Variants in BUD23 observed in about 807,000 individuals in gnomAD.
BUD23 encodes BUD23 rRNA methyltransferase and ribosome maturation factor.
Under a neutral mutation model 47.0 loss-of-function variants are expected in BUD23, and 34 were observed. The ratio of observed to expected loss-of-function variants is 0.72; its 90% CI spans 0.55 to 0.96. The LOEUF (loss-of-function observed/expected upper bound fraction) is 0.96. Ranked by LOEUF, BUD23 falls within the 40% of genes least tolerant of loss-of-function variation. BUD23 has a pLI of 0.00. For missense variants in BUD23, 343 were observed against 361.2 expected (o/e 0.95, Z 0.41); for synonymous variants, 124 against 132.0 (o/e 0.94, Z 0.41).
At chr7:73,691,230 C>CCAA (rs1798184740) in intron 6 of BUD23, among the ~76,000 whole-genome samples, 1 of 152,172 alleles carries the variant, frequency 6.6e-6, no homozygotes, top group Non-Finnish European at 1.5e-5. Context: ...ACCCAGAAGT[C>CCAA]ACTGATACCA....
intron 5 of BUD23, among the ~76,000 whole-genome samples, chr7:73,690,642 T>G (rs576205387): frequency 6.6e-6 from 1 of 152,292 alleles, no homozygotes; most frequent in Non-Finnish European, 1.5e-5. Context: ...TTTTTAAATT[T>G]AAAAATACTT....
intron 6 of BUD23, among the ~76,000 whole-genome samples, chr7:73,691,673 C>A (rs782751186): frequency 6.6e-6 from 1 of 152,094 alleles, no homozygotes; most frequent in Non-Finnish European, 1.5e-5. Context: ...GATCGTAGCT[C>A]ACTGCGCCCT....
At chr7:73,683,739 T>C in intron 1 of BUD23, 28 bp from the exon 2 acceptor site, 3 of 1,614,174 alleles carry the variant, frequency 1.9e-6, no homozygotes, top group Non-Finnish European at 1.7e-6. Context: ...GAATTATTCC[T>C]CTACATGCCA....
chr7:73,685,256 G>C (rs1797918035), intron 2 of BUD23, among the ~76,000 whole-genome samples: 1 of 152,194 alleles, frequency 6.6e-6, no homozygotes, highest in Non-Finnish European at 1.5e-5. Flanking sequence ...CTCCAGCCTT[G>C]GCGACAGAGT....
chr7:73,696,262 G>A (rs1293040033), intron 10 of BUD23: 2 of 152,194 alleles, frequency 1.3e-5, no homozygotes, highest in African/African-American at 4.8e-5. Context: ...ATTTCCCTTA[G>A]TTTCCCTAGT....
chr7:73,686,621 T>C lies in BUD23; in HGVS notation c.87-15T>C, dbSNP rs1554613013. 2.5e-6 allele frequency: 4 copies of C among 1,613,618 alleles called. No homozygotes were observed. The South Asian group carries it at 4.4e-5, about 18-fold the overall frequency. On this transcript the variant is annotated splice_polypyrimidine_tract_variant and intron_variant, in intron 2 of 11. Transcript: ENST00000265758. ...AACTCCTTTACCATGTCCACTTGTG[T>C]TTCTGCCTTACCAGCTCACGGATGA...
intron 5 of BUD23, among the ~76,000 whole-genome samples, chr7:73,689,888 C>T (rs1484995207): frequency 4.6e-5 from 7 of 151,572 alleles, no homozygotes; most frequent in South Asian, 2.1e-4. Context: ...AGCATTGGTG[C>T]GGGGAAGTGA....
intron 2 of BUD23, 125 bp from the exon 3 acceptor site, chr7:73,686,511 G>A (rs541292064): frequency 1.9e-5 from 16 of 838,658 alleles, no homozygotes; most frequent in East Asian, 7.3e-5. Flanking sequence ...AGAGTACCTC[G>A]GGATGATTGA....
Position 73,693,275 on chromosome 7 carries a change from G to A in BUD23, c.511-54G>A, listed in dbSNP as rs1798260658. 2.0e-6 allele frequency: 3 copies of A among 1,500,252 alleles called. No individual in the cohort carries two copies. The South Asian group carries it at 3.5e-5, about 18-fold the overall frequency. The allele number at this position is 1,500,252 out of a possible 1,614,324, so 92.9% of individuals were successfully genotyped here. On this transcript the variant is annotated intron_variant, in intron 7 of 11. Coordinates refer to ENST00000265758, the MANE Select transcript of BUD23 (RefSeq NM_017528.5). ...TTCTGAAGGAGGGGAGGGAGGTGAA[G>A]CTGTCTGCTCCTCTCAACCTCCGCT...
At position 73,688,598 on chromosome 7, in the gene BUD23, TTC is replaced by T. The variant is rs782761286; in HGVS notation, c.362+1507_362+1508del. On this transcript the variant is annotated intron_variant, in intron 5 of 11. Transcript: ENST00000265758. Reference sequence around the variant, plus strand: ...AATCTCTTAAGTGCTTCACAGTCCTTTCTCTGTAATCAGAGTCGGGTTAAACA... The same window carrying T: ...AATCTCTTAAGTGCTTCACAGTCCTTTCTGTAATCAGAGTCGGGTTAAACA... Among the ~76,000 whole-genome samples, 829 of 152,376 alleles carry T rather than the reference TTC, an allele frequency of 5.4e-3. 6 individuals are homozygous for T. The highest frequency in any genetic ancestry group is 0.019 in the African/African-American group (802 of 41,592).
chr7:73,689,944 C>T (rs1381165055), intron 5 of BUD23, among the ~76,000 whole-genome samples: 1 of 151,952 alleles, frequency 6.6e-6, no homozygotes, highest in Non-Finnish European at 1.5e-5. Flanking sequence ...GGAGGTAGGG[C>T]TCTGTGTGTG....
At position 73,698,037 on chromosome 7, in the gene BUD23, T is replaced by A. The variant is rs1272024207; in HGVS notation, c.*151T>A. 10 of 835,838 alleles carry A rather than the reference T, an allele frequency of 1.2e-5. No individual in the cohort carries two copies. The East Asian group carries it at 2.6e-4, about 22-fold the overall frequency. The allele number at this position is 835,838 out of a possible 1,614,324, so 51.8% of individuals were successfully genotyped here. A position where few individuals can be genotyped will look rare whatever the true frequency, so the allele number is the denominator to read the frequency against. On this transcript the variant is annotated 3_prime_UTR_variant, in exon 12 of 12. Transcript: ENST00000265758. ...TGGGCCGGGCGTGGTGGCTCACACC[T>A]GTAATCCCAGCACCTTGGGAGGCTG...
In BUD23 at chr7:73,683,794, T is replaced by TA. The variant is rs868927160; in HGVS notation, c.77dup (p.Tyr26Ter). The part of the protein sequence containing the change: ...LFYDETEARK[Y>*]VRNSRMIDIQ... Reference sequence around the variant, plus strand: ...TTATGACGAGACAGAAGCCCGGAAATACGTTCGCAAGTGAGGGGAGCCTGA... The same window carrying TA: ...TTATGACGAGACAGAAGCCCGGAAATAACGTTCGCAAGTGAGGGGAGCCTGA... The change falls in exon 2 of 12, where the codon TAC (tyrosine) becomes TAAC (stop). Residue 26 changes from tyrosine to a stop codon, truncating the protein, a stop_gained and frameshift_variant. Transcript: ENST00000265758. LOFTEE classifies it high-confidence loss of function. 6.2e-7 allele frequency: 1 copy of TA among 1,613,970 alleles called. No homozygotes were observed. The highest frequency in any genetic ancestry group is 1.3e-5 in the African/African-American group (1 of 74,892).
At chr7:73,690,607 G>A (rs1209930257) in intron 5 of BUD23, among the ~76,000 whole-genome samples, 1 of 152,134 alleles carries the variant, frequency 6.6e-6, no homozygotes, top group Non-Finnish European at 1.5e-5. Flanking sequence ...ACCTGCAGTG[G>A]ACCTGCACTT....
chr7:73,693,973 T>C lies in BUD23; in HGVS notation c.643-19T>C. On this transcript the variant is annotated intron_variant, in intron 9 of 11. Coordinates refer to ENST00000265758, the MANE Select transcript of BUD23 (RefSeq NM_017528.5). ...TGAGAACTCTCCAGGGTGACCTGAG[T>C]GCACTTTGGTTCCTGCAGGGGCTGA... The C allele has an allele frequency of 6.2e-7, 1 of 1,612,062 alleles. No individual in the cohort carries two copies. Among genetic ancestry groups the C allele is most frequent in the Non-Finnish European group, 8.5e-7 (1 of 1,179,492 alleles).
At chr7:73,687,369 C>T (rs1798016231) in intron 5 of BUD23, among the ~76,000 whole-genome samples, 1 of 152,136 alleles carries the variant, frequency 6.6e-6, no homozygotes, top group African/African-American at 2.4e-5. Flanking sequence ...CTTCGCCTCC[C>T]AGGCTCAAGC....
Position 73,694,159 on chromosome 7 carries a change from G to A in BUD23, c.701+109G>A, listed in dbSNP as rs1584226847. ...AAGCCTCTCAGGTCACATGCAGCAG[G>A]GACACCAAGGTGACGGTAGAAACAT... is the stretch of plus-strand genomic sequence containing the variant. On this transcript the variant is annotated intron_variant, in intron 10 of 11. Coordinates refer to ENST00000265758, the MANE Select transcript of BUD23 (RefSeq NM_017528.5). 4.3e-6 allele frequency: 5 copies of A among 1,152,116 alleles called. No individual in the cohort carries two copies. The East Asian group carries it at 7.2e-5, about 17-fold the overall frequency. 71.4% of individuals were successfully genotyped at this position (1,152,116 alleles called of 1,614,324 possible).
Position 73,685,296 on chromosome 7 carries a change from G to C in BUD23, c.87-1340G>C, listed in dbSNP as rs537140809. Among the ~76,000 whole-genome samples the C allele has an allele frequency of 2.6e-5, 4 of 152,312 alleles. No homozygotes were observed. The South Asian group carries it at 6.2e-4, about 24-fold the overall frequency. On this transcript the variant is annotated intron_variant, in intron 2 of 11. Coordinates refer to ENST00000265758, the MANE Select transcript of BUD23 (RefSeq NM_017528.5). ...CCCTGACTCAATAAATAAATAAATA[G>C]CTATTGGATACTGTTTCTTTTTTTT...
intron 5 of BUD23, 95 bp downstream of exon 5, chr7:73,687,190 C>A: frequency 7.7e-7 from 1 of 1,295,422 alleles, no homozygotes; most frequent in Non-Finnish European, 1.1e-6. Flanking sequence ...ATGGCTCACA[C>A]TGCAGCCTCC....
Sources: allele counts gnomAD v4.1 joint callset (sites outside exome capture counted in the v4.1 genomes callset), GRCh38; gene constraint gnomAD v4.1.1; transcripts MANE v1.5; gene names NCBI Gene and HGNC (gene_info 2026-07-23, HGNC 2026-07-21).